Variants in GTF3C5 observed in about 807,000 individuals in gnomAD.
GTF3C5 encodes the protein general transcription factor 3C polypeptide 5.
A neutral mutation model predicts 61.0 loss-of-function variants in GTF3C5; 47 were observed. That is an observed-to-expected ratio of 0.77 (90% CI 0.61 to 0.98). The LOEUF (loss-of-function observed/expected upper bound fraction) is 0.98. GTF3C5 is among the 50% of genes least tolerant of loss of function. The pLI, the probability that GTF3C5 is intolerant of heterozygous loss-of-function variation, is 0.00. For synonymous variants in GTF3C5, 295 were observed against 275.4 expected (o/e 1.07, Z -0.71); for missense variants, 659 against 703.3 (o/e 0.94, Z 0.71).
rs1374467364 is a variant in GTF3C5 at position 133,053,890 on chromosome 9, T to C, written c.936T>C (p.Asp312=). The part of the protein sequence containing the change: ...RFGYDPRKNP[D]AKIYQVLDFR... ...GGTATGACCCCCGAAAAAACCCAGA[T>C]GCCAAGATTTATCAAGTCCTCGATT... is the stretch of plus-strand genomic sequence containing the variant. Residue 312 remains aspartate, a synonymous_variant, in exon 6 of 11, where the codon GAT becomes GAC. Transcript: ENST00000372097. 1 of 1,613,566 alleles carries C rather than the reference T, an allele frequency of 6.2e-7. No individual in the cohort carries two copies. The highest frequency in any genetic ancestry group is 1.7e-5 in the Admixed American group (1 of 59,976).
intron 10 of GTF3C5, 124 bp from the exon 11 acceptor site, chr9:133,057,690 C>A: frequency 1.2e-6 from 1 of 853,688 alleles, no homozygotes; most frequent in Non-Finnish European, 1.7e-6. Context: ...TACCCACCAG[C>A]TTCTTAAGAG....
At chr9:133,041,994 A>T in intron 1 of GTF3C5, 93 bp from the exon 2 acceptor site, 1 of 830,306 alleles carries the variant, frequency 1.2e-6, no homozygotes, top group Non-Finnish European at 2.0e-6. Context: ...CCTTTCCTGG[A>T]TCACCGTCAG....
At chr9:133,055,425 C>G (rs1178129332) in intron 8 of GTF3C5, 1 of 1,251,302 alleles carries the variant, frequency 8.0e-7, no homozygotes. Flanking sequence ...TGTCTGGGGC[C>G]CTGCCTATTT....
intron 3 of GTF3C5, among the ~76,000 whole-genome samples, chr9:133,049,179 A>G (rs1034085277): frequency 2.0e-5 from 3 of 152,214 alleles, no homozygotes; most frequent in Non-Finnish European, 2.9e-5. Flanking sequence ...ATGGTGACAC[A>G]GACCACAGCC....
chr9:133,052,096 G>C lies in GTF3C5; in HGVS notation c.805G>C (p.Val269Leu), dbSNP rs766588563. 3.1e-6 allele frequency: 5 copies of C among 1,609,144 alleles called. No homozygotes were observed. Among genetic ancestry groups the C allele is most frequent in the Non-Finnish European group, 4.2e-6 (5 of 1,177,384 alleles). The change falls in exon 5 of 11, where the codon GTC becomes CTC. Residue 269 changes from valine to leucine, a missense_variant. By Grantham distance (32) the Val-to-Leu change is conservative. Coordinates refer to ENST00000372097, the MANE Select transcript of GTF3C5 (RefSeq NM_012087.4). ...CCGTCCCATCTGGTCCCGAAATGCT[G>C]TCAAGGCCAACATCAGCGTCCACCC... ...DIRPIWSRNA[V>L]KANISVHPDK...
intron 5 of GTF3C5, 128 bp from the exon 6 acceptor site, chr9:133,053,700 G>A (rs1055272075): frequency 1.2e-5 from 7 of 563,778 alleles, no homozygotes; most frequent in Non-Finnish European, 1.9e-5. Context: ...ATGTGGCAGA[G>A]CAGGGCTGGG....
At chr9:133,057,111 C>T (rs1420302482) in intron 10 of GTF3C5, among the ~76,000 whole-genome samples, 3 of 152,242 alleles carry the variant, frequency 2.0e-5, no homozygotes, top group African/African-American at 4.8e-5. Context: ...CTGCCTCAGC[C>T]GAGGCCCTCA....
chr9:133,054,658 A>G, intron 7 of GTF3C5, 54 bp from the exon 8 acceptor site: 1 of 1,478,996 alleles, frequency 6.8e-7, no homozygotes, highest in African/African-American at 1.4e-5. Flanking sequence ...TGGTTGGGAG[A>G]GACACCTCCT....
rs1456592309 is a variant in GTF3C5 at position 133,058,004 on chromosome 9, T to C, written c.*24T>C. On this transcript the variant is annotated 3_prime_UTR_variant, in exon 11 of 11. Coordinates refer to ENST00000372097, the MANE Select transcript of GTF3C5 (RefSeq NM_012087.4). ...GACAGGGCCCAAGGCTGGGCCTCCC[T>C]GACCCGGCCAGACTGGTGTCTGGCC... is the stretch of plus-strand genomic sequence containing the variant. The C allele has an allele frequency of 6.2e-7, 1 of 1,613,020 alleles. No individual in the cohort carries two copies. The highest frequency in any genetic ancestry group is 8.5e-7 in the Non-Finnish European group (1 of 1,179,598).
At chr9:133,051,328 C>G (rs1850367526) in intron 4 of GTF3C5, among the ~76,000 whole-genome samples, 1 of 152,248 alleles carries the variant, frequency 6.6e-6, no homozygotes, top group African/African-American at 2.4e-5. Flanking sequence ...CCAGCACTTT[C>G]TTACCGTTAG....
chr9:133,058,171 G>C lies in GTF3C5; in HGVS notation c.*191G>C. 7.1e-7 allele frequency: 1 copy of C among 1,413,364 alleles called. No individual in the cohort carries two copies. The highest frequency in any genetic ancestry group is 9.2e-7 in the Non-Finnish European group (1 of 1,081,946). The allele number at this position is 1,413,364 out of a possible 1,614,324, so 87.6% of individuals were successfully genotyped here. A position where few individuals can be genotyped will look rare whatever the true frequency, so the allele number is the denominator to read the frequency against. ...TGACATGCTGCTTGGTGCTGCCTCT[G>C]GTCCTGAGGGGTTAGGGACATCCCC... On this transcript the variant is annotated 3_prime_UTR_variant, in exon 11 of 11. Coordinates refer to ENST00000372097, the MANE Select transcript of GTF3C5 (RefSeq NM_012087.4).
chr9:133,031,758 T>C (rs1291612000), intron 1 of GTF3C5, among the ~76,000 whole-genome samples: 1 of 152,176 alleles, frequency 6.6e-6, no homozygotes, highest in African/African-American at 2.4e-5. Context: ...CTTTCCCATA[T>C]TGGCTAGGGT....
chr9:133,035,895 T>G (rs1466973456), intron 1 of GTF3C5, among the ~76,000 whole-genome samples: 52 of 152,202 alleles, frequency 3.4e-4, no homozygotes. Context: ...GAGACCTCGT[T>G]CGGTCCAAAT....
rs750405185 is a variant in GTF3C5 at position 133,052,131 on chromosome 9, C to T, written c.840C>T (p.Leu280=). 3.1e-6 allele frequency: 5 copies of T among 1,606,434 alleles called. No homozygotes were observed. The highest frequency in any genetic ancestry group is 3.4e-6 in the Non-Finnish European group (4 of 1,174,776). ...KANISVHPDK[L]KVLLPFIAYY... ...ACATCAGCGTCCACCCAGACAAGCT[C>T]AAGGTCTTGCTTCCCTTCATAGCCT... Residue 280 remains leucine (L), a synonymous_variant, in exon 5 of 11, where the codon CTC becomes CTT. Transcript: ENST00000372097.
At chr9:133,051,529 C>CT (rs1169037508) in intron 4 of GTF3C5, among the ~76,000 whole-genome samples, 1 of 152,258 alleles carries the variant, frequency 6.6e-6, no homozygotes. Context: ...CTGGGGCACA[C>CT]TGTCAGTGGC....
intron 4 of GTF3C5, among the ~76,000 whole-genome samples, chr9:133,051,442 A>G (rs1470386190): frequency 6.6e-6 from 1 of 151,888 alleles, no homozygotes; most frequent in Non-Finnish European, 1.5e-5. Context: ...GGCCACTGCC[A>G]CCTGGAGCCC....
At chr9:133,055,706 C>T in intron 8 of GTF3C5, 1 of 985,422 alleles carries the variant, frequency 1.0e-6, no homozygotes, top group South Asian at 4.7e-5. Context: ...GAGAGCAGAG[C>T]CCGGCACAAG....
intron 9 of GTF3C5, 27 bp from the exon 10 acceptor site, chr9:133,056,739 A>G (rs1224898615): frequency 2.6e-6 from 4 of 1,563,140 alleles, no homozygotes; most frequent in Non-Finnish European, 2.6e-6. Context: ...CTGGGACTTT[A>G]TGTCCCAACC....
chr9:133,051,001 C>G, intron 4 of GTF3C5, 23 bp downstream of exon 4: 1 of 1,546,704 alleles, frequency 6.5e-7, no homozygotes, highest in Non-Finnish European at 8.7e-7. Context: ...CTGCGCCTGG[C>G]CCCGGTGGCT....
Sources: allele counts gnomAD v4.1 joint callset (sites outside exome capture counted in the v4.1 genomes callset), GRCh38; gene constraint gnomAD v4.1.1; transcripts MANE v1.5; gene names NCBI Gene and HGNC (gene_info 2026-07-23, HGNC 2026-07-21).